ADGRB3: variants seen among roughly 807,000 people sequenced by gnomAD.
ADGRB3 encodes adhesion G protein-coupled receptor B3, also known as brain-specific angiogenesis inhibitor 3.
In ADGRB3, 37 loss-of-function variants were observed where a neutral mutation model predicts 193.4. The ratio of observed to expected loss-of-function variants is 0.19; its 90% CI spans 0.15 to 0.25. ADGRB3 has a LOEUF of 0.25. ADGRB3 is among the 10% of genes least tolerant of loss of function. The pLI, the probability that ADGRB3 is intolerant of heterozygous loss-of-function variation, is 1.00. For missense variants in ADGRB3, 1,637 were observed against 1,852.9 expected (o/e 0.88, Z 2.14); for synonymous variants, 690 against 644.2 (o/e 1.07, Z -1.08).
At chr6:68,859,551 A>G (rs1387190590) in intron 3 of ADGRB3, among the ~76,000 whole-genome samples, 1 of 152,262 alleles carries the variant, frequency 6.6e-6, no homozygotes, top group Non-Finnish European at 1.5e-5. Flanking sequence ...CCTCACAATT[A>G]TGGCTAAAGA....
intron 17 of ADGRB3, among the ~76,000 whole-genome samples, chr6:69,174,142 C>G (rs1185599577): frequency 6.6e-6 from 1 of 152,066 alleles, no homozygotes; most frequent in Non-Finnish European, 1.5e-5. Flanking sequence ...CTTGTTCAGG[C>G]TTGTTACCTG....
intron 3 of ADGRB3, among the ~76,000 whole-genome samples, chr6:68,854,404 G>T (rs1042188669): frequency 6.6e-6 from 1 of 152,086 alleles, no homozygotes; most frequent in Non-Finnish European, 1.5e-5. Context: ...CCACAAAAAT[G>T]ATAACTATGT....
chr6:68,700,416 G>T (rs1249941885), intron 3 of ADGRB3, among the ~76,000 whole-genome samples: 1 of 151,714 alleles, frequency 6.6e-6, no homozygotes, highest in East Asian at 1.9e-4. Flanking sequence ...ATCTATAAAC[G>T]GTTGGAATCA....
intron 20 of ADGRB3, among the ~76,000 whole-genome samples, chr6:69,294,617 T>C (rs1767768366): frequency 6.6e-6 from 1 of 152,172 alleles, no homozygotes. Context: ...CACTGTTAGC[T>C]CTTAAAATAA....
At chr6:68,864,939 A>G (rs1274575161) in intron 3 of ADGRB3, among the ~76,000 whole-genome samples, 1 of 152,182 alleles carries the variant, frequency 6.6e-6, no homozygotes, top group Non-Finnish European at 1.5e-5. Context: ...TCTAAGGTTT[A>G]CACTCCACCT....
intron 3 of ADGRB3, among the ~76,000 whole-genome samples, chr6:68,833,049 G>A (rs1202861271): frequency 3.3e-5 from 5 of 152,014 alleles, no homozygotes; most frequent in Non-Finnish European, 7.4e-5. Context: ...GGTTGTTGCA[G>A]GAAGACTTTT....
rs370985736 is a variant in ADGRB3, at chr6:69,338,932, C to T, written c.3205C>T (p.His1069Tyr). The change falls in exon 25 of 32, where the codon CAT becomes TAT. Residue 1069 changes from histidine to tyrosine, a missense_variant. Transcript: ENST00000370598. ...KHRAGQMSEP[H>Y]SGLTLKCAKC... Reference sequence around the variant, plus strand: ...TGTTTGCAGTCAGATGAGTGAGCCTCATAGCGGTTTGACGCTCAAATGTGC... The same window carrying T: ...TGTTTGCAGTCAGATGAGTGAGCCTTATAGCGGTTTGACGCTCAAATGTGC... The T allele has an allele frequency of 1.2e-6, 2 of 1,613,660 alleles. No individual in the cohort carries two copies. Among genetic ancestry groups the T allele is most frequent in the African/African-American group, 1.3e-5 (1 of 74,842 alleles).
chr6:69,221,462 G>A (rs201350862), intron 17 of ADGRB3, among the ~76,000 whole-genome samples: 1 of 152,126 alleles, frequency 6.6e-6, no homozygotes, highest in East Asian at 1.9e-4. Context: ...TCTGGCAAAT[G>A]ACTGGCTGGC....
intron 24 of ADGRB3, among the ~76,000 whole-genome samples, chr6:69,338,702 T>C (rs1183853099): frequency 2.0e-5 from 3 of 152,240 alleles, no homozygotes; most frequent in South Asian, 4.1e-4. Context: ...GATGGAAATA[T>C]GTTTTGCATG....
intron 3 of ADGRB3, among the ~76,000 whole-genome samples, chr6:68,881,749 T>C (rs748057074): frequency 2.0e-5 from 3 of 152,232 alleles, no homozygotes; most frequent in Non-Finnish European, 4.4e-5. Context: ...AATGGCTAGC[T>C]TTTAATCAGC....
intron 3 of ADGRB3, among the ~76,000 whole-genome samples, chr6:68,897,247 C>T (rs535670103): frequency 1.3e-5 from 2 of 151,838 alleles, no homozygotes; most frequent in East Asian, 1.9e-4. Context: ...GCAATGCCAG[C>T]ATTTTGGGAA....
intron 3 of ADGRB3, among the ~76,000 whole-genome samples, chr6:68,660,560 C>T (rs1768604182): frequency 6.6e-6 from 1 of 150,876 alleles, no homozygotes; most frequent in Non-Finnish European, 1.5e-5. Context: ...ATATTCCATC[C>T]TTTTAAAATT....
intron 18 of ADGRB3, 99 bp downstream of exon 18, chr6:69,233,515 T>C: frequency 7.0e-7 from 1 of 1,437,802 alleles, no homozygotes. Context: ...AAATGGAAAA[T>C]GTTGCAGGGT....
chr6:68,712,921 AT>A (rs67167365), intron 3 of ADGRB3, among the ~76,000 whole-genome samples: 15,269 of 151,904 alleles, frequency 0.1, 1,015 homozygotes, highest in Middle Eastern at 0.27. Flanking sequence ...AATTTTTTTT[AT>A]AAATTCATTT....
rs149169532 is a variant in ADGRB3, at chr6:68,936,790, G to A, written c.1030+110G>A. 25 of 1,123,336 alleles carry A rather than the reference G, an allele frequency of 2.2e-5. No homozygotes were observed. In the African/African-American group the frequency reaches 3.0e-4, roughly 13 times the overall value. The allele number at this position is 1,123,336 out of a possible 1,614,324, so 69.6% of individuals were successfully genotyped here. A position where few individuals can be genotyped will look rare whatever the true frequency, so the allele number is the denominator to read the frequency against. On this transcript the variant is annotated intron_variant, in intron 5 of 31. Transcript: ENST00000370598. ...AACGGGTATAGGCATTTTGATTAGA[G>A]TGGATAAGTGTAATTATTATTCAAC... is the stretch of plus-strand genomic sequence containing the variant.
chr6:68,650,235 A>G (rs949336882), intron 3 of ADGRB3, among the ~76,000 whole-genome samples: 1 of 152,224 alleles, frequency 6.6e-6, no homozygotes, highest in Non-Finnish European at 1.5e-5. Context: ...CAGAGAAATA[A>G]ATAACAATGA....
At chr6:69,262,417 T>A (rs1033312729) in intron 20 of ADGRB3, among the ~76,000 whole-genome samples, 1 of 152,012 alleles carries the variant, frequency 6.6e-6, no homozygotes. Flanking sequence ...CCCTTTGCTC[T>A]TATTAGTAAC....
At chr6:69,338,856 T>A in intron 24 of ADGRB3, 60 bp from the exon 25 acceptor site, 12 of 1,288,230 alleles carry the variant, frequency 9.3e-6, no homozygotes, top group South Asian at 1.4e-5. Flanking sequence ...GAAGCAGCAA[T>A]TTTTTTTTGG....
At chr6:68,915,061 G>A (rs549119347) in intron 3 of ADGRB3, among the ~76,000 whole-genome samples, 1 of 152,116 alleles carries the variant, frequency 6.6e-6, no homozygotes, top group Non-Finnish European at 1.5e-5. Context: ...ATTTAGAAAA[G>A]TAAAGGATAC....
Sources: allele counts gnomAD v4.1 joint callset (sites outside exome capture counted in the v4.1 genomes callset), GRCh38; gene constraint gnomAD v4.1.1; transcripts MANE v1.5; gene names NCBI Gene and HGNC (gene_info 2026-07-23, HGNC 2026-07-21).